Variants in ACOT13 observed in about 807,000 individuals in gnomAD.
The protein encoded by ACOT13 is acyl-CoA thioesterase 13, also known as acyl-coenzyme A thioesterase 13.
A neutral mutation model predicts 11.8 loss-of-function variants in ACOT13; 10 were observed. That is an observed-to-expected ratio of 0.85 (90% confidence interval 0.53 to 1.44). The LOEUF (loss-of-function observed/expected upper bound fraction) is 1.44, where lower values mean the gene tolerates loss of function less well. Among genes scored for constraint, ACOT13 ranks in the 40% most tolerant of loss-of-function variants. ACOT13 has a pLI of 0.00. For missense variants in ACOT13, 172 were observed against 174.1 expected, an observed-to-expected ratio of 0.99 and a Z score of 0.07; for synonymous variants, 53 against 61.0, an observed-to-expected ratio of 0.87 and a Z score of 0.61.
intron 1 of ACOT13, among the ~76,000 whole-genome samples, chr6:24,678,527 G>T (rs1283755342): frequency 6.6e-6 from 1 of 152,114 alleles, no homozygotes; most frequent in East Asian, 1.9e-4. Context: ...AGGGAAAGGA[G>T]GTAGAATCCT....
In ACOT13 at chr6:24,704,173, G is replaced by T. The variant is rs1310592142; in HGVS notation, c.*2558G>T. The T allele has an allele frequency of 6.6e-6, 1 of 152,150 alleles. No homozygotes were observed. Among genetic ancestry groups the T allele is most frequent in the Non-Finnish European group, 1.5e-5 (1 of 68,022 alleles). 9.4% of individuals were successfully genotyped at this position (152,150 alleles called of 1,614,324 possible). Reference sequence around the variant, plus strand: ...TTGGAACATATGCCGAAGTACTAAGGAAGGGGTAAGGAAGCACAAAGTGTG... The same window carrying T: ...TTGGAACATATGCCGAAGTACTAAGTAAGGGGTAAGGAAGCACAAAGTGTG... On this transcript the variant is annotated 3_prime_UTR_variant, in exon 3 of 3. Coordinates refer to ENST00000230048, the MANE Select transcript of ACOT13 (RefSeq NM_018473.4).
At chr6:24,680,845 T>G (rs1270667466) in intron 1 of ACOT13, among the ~76,000 whole-genome samples, 1 of 152,228 alleles carries the variant, frequency 6.6e-6, no homozygotes, top group Non-Finnish European at 1.5e-5. Context: ...TTTGATTATG[T>G]AAGTATGGGC....
intron 1 of ACOT13, among the ~76,000 whole-genome samples, chr6:24,691,267 G>A (rs1387524817): frequency 6.6e-6 from 1 of 152,236 alleles, no homozygotes; most frequent in Middle Eastern, 3.4e-3. Flanking sequence ...CCTACTATGT[G>A]CCTACACCCT....
At chr6:24,678,719 G>A (rs1411635067) in intron 1 of ACOT13, among the ~76,000 whole-genome samples, 5 of 152,178 alleles carry the variant, frequency 3.3e-5, no homozygotes, top group Non-Finnish European at 7.3e-5. Context: ...AGGGAGTGGG[G>A]CTTTCAGGCA....
intron 2 of ACOT13, 24 bp from the exon 3 acceptor site, chr6:24,701,435 T>C (rs1234632556): frequency 6.3e-7 from 1 of 1,588,790 alleles, no homozygotes; most frequent in Admixed American, 1.8e-5. Context: ...TATCTGCTGT[T>C]AACTATATTC....
At chr6:24,680,553 T>C (rs1365811786) in intron 1 of ACOT13, among the ~76,000 whole-genome samples, 3 of 152,112 alleles carry the variant, frequency 2.0e-5, no homozygotes, top group Admixed American at 2.0e-4. Flanking sequence ...CCTCTGCTTA[T>C]CGGATTAGTT....
At chr6:24,687,445 C>G in intron 1 of ACOT13, 4 of 1,244,196 alleles carry the variant, frequency 3.2e-6, no homozygotes, top group East Asian at 6.4e-5. Context: ...TCAACTGACA[C>G]GCACTGTGCT....
chr6:24,688,190 T>G (rs1778664676), intron 1 of ACOT13, among the ~76,000 whole-genome samples: 1 of 152,092 alleles, frequency 6.6e-6, no homozygotes, highest in African/African-American at 2.4e-5. Context: ...TAAGGCATTT[T>G]TTTTTCAAAG....
intron 1 of ACOT13, among the ~76,000 whole-genome samples, chr6:24,680,018 C>T (rs1184701779): frequency 1.3e-5 from 2 of 152,058 alleles, no homozygotes; most frequent in African/African-American, 4.8e-5. Flanking sequence ...CTTTGTCTAT[C>T]TTCTTTGGAC....
At chr6:24,685,713 C>G (rs1024273827) in intron 1 of ACOT13, among the ~76,000 whole-genome samples, 1 of 151,848 alleles carries the variant, frequency 6.6e-6, no homozygotes, top group Admixed American at 6.5e-5. Flanking sequence ...GATTTTGCTC[C>G]CCGAGGGACA....
Position 24,688,573 on chromosome 6 carries a change from A to C in ACOT13, c.82-9310A>C, listed in dbSNP as rs183361134. On this transcript the variant is annotated intron_variant, in intron 1 of 2. Transcript: ENST00000230048. ...AAAAAAAAAAAATTGTGTGAGGGGA[A>C]ATAACCTAAATGTCCAACCATGGGA... 5.4e-3 allele frequency among the ~76,000 whole-genome samples: 826 copies of C among 151,982 alleles called. 6 individuals are homozygous for C. Among genetic ancestry groups the C allele is most frequent in the Non-Finnish European group, 8.7e-3 (590 of 67,960 alleles).
chr6:24,688,567 A>C (rs1240448339), intron 1 of ACOT13, among the ~76,000 whole-genome samples: 1 of 150,140 alleles, frequency 6.7e-6, no homozygotes, highest in Non-Finnish European at 1.5e-5. Context: ...AAATTGTGTG[A>C]GGGGAAATAA....
chr6:24,698,638 TG>T (rs1397113025), intron 2 of ACOT13, among the ~76,000 whole-genome samples: 2 of 148,558 alleles, frequency 1.3e-5, no homozygotes, highest in African/African-American at 2.5e-5. Context: ...ACACCATTGC[TG>T]GGGTTTTTTT....
chr6:24,704,852 A>T lies in ACOT13; in HGVS notation c.*3237A>T, dbSNP rs1778968327. 1 of 152,200 alleles carries T rather than the reference A, an allele frequency of 6.6e-6. No homozygotes were observed. Among genetic ancestry groups the T allele is most frequent in the African/African-American group, 2.4e-5 (1 of 41,454 alleles). 9.4% of individuals were successfully genotyped at this position (152,200 alleles called of 1,614,324 possible). On this transcript the variant is annotated 3_prime_UTR_variant, in exon 3 of 3. Coordinates refer to ENST00000230048, the MANE Select transcript of ACOT13 (RefSeq NM_018473.4). ...AGTGAAATGGAAAGAAAAAGTTAAC[A>T]CTTCAAACTTTGTGTATTCACCTGA...
chr6:24,700,832 A>C (rs1778880552), intron 2 of ACOT13: 1 of 152,144 alleles, frequency 6.6e-6, no homozygotes, highest in Non-Finnish European at 1.5e-5. Flanking sequence ...CTTTCTAAAA[A>C]GCAGAAACAT....
At position 24,670,040 on chromosome 6, in the gene ACOT13, T is replaced by C. The variant is rs374373126; in HGVS notation, c.81+2696T>C. On this transcript the variant is annotated intron_variant, in intron 1 of 2. Coordinates refer to ENST00000230048, the MANE Select transcript of ACOT13 (RefSeq NM_018473.4). ...AGAATTCAGCCTAAACTGTAGAAAATAATAAAAATTGAAAAAATTAGGCAA... is the reference window on the plus strand; with the variant it reads ...AGAATTCAGCCTAAACTGTAGAAAACAATAAAAATTGAAAAAATTAGGCAA... Among the ~76,000 whole-genome samples the C allele has an allele frequency of 9.2e-5, 14 of 152,230 alleles. No homozygotes were observed. In the South Asian group the frequency reaches 1.9e-3, roughly 20 times the overall value.
intron 1 of ACOT13, among the ~76,000 whole-genome samples, chr6:24,674,411 G>GT (rs1241079145): frequency 1.3e-5 from 2 of 151,560 alleles, no homozygotes; most frequent in Admixed American, 6.6e-5. Context: ...GGTTTTGTTT[G>GT]TTTTTTTGTT....
intron 1 of ACOT13, among the ~76,000 whole-genome samples, chr6:24,678,377 T>C (rs568912734): frequency 9.7e-4 from 147 of 152,302 alleles, no homozygotes; most frequent in African/African-American, 3.3e-3. Context: ...TAACCTCCAC[T>C]GTCCATTAGG....
chr6:24,699,494 G>A (rs1226069818), intron 2 of ACOT13, among the ~76,000 whole-genome samples: 1 of 152,230 alleles, frequency 6.6e-6, no homozygotes, highest in African/African-American at 2.4e-5. Context: ...ACAGGCGTGA[G>A]CCACCGCGCC....
Sources: gnomAD v4.1 joint callset for allele counts (sites outside exome capture counted in the v4.1 genomes callset) on GRCh38, gnomAD v4.1.1 for gene constraint, MANE v1.5 for transcripts, NCBI Gene and HGNC (gene_info 2026-07-23, HGNC 2026-07-21) for gene names.